B9D1: variants seen among roughly 807,000 people sequenced by gnomAD.
The protein encoded by B9D1 is B9 domain containing 1.
Under a neutral mutation model 26.1 loss-of-function variants are expected in B9D1, and 20 were observed. That is an observed-to-expected ratio of 0.77 (90% CI 0.54 to 1.12). The LOEUF (loss-of-function observed/expected upper bound fraction) is 1.12, where lower values mean the gene tolerates loss of function less well. Ranked by LOEUF, B9D1 falls within the 50% of genes most tolerant of loss-of-function variation. The pLI is 0.00. For synonymous variants in B9D1, 105 were observed against 103.1 expected, an observed-to-expected ratio of 1.02 and a Z score of -0.11; for missense variants, 260 against 273.7, an observed-to-expected ratio of 0.95 and a Z score of 0.35.
At chr17:19,350,238 C>T (rs550850072) in intron 3 of B9D1, among the ~76,000 whole-genome samples, 91 of 152,116 alleles carry the variant, frequency 6.0e-4, no homozygotes, top group African/African-American at 2.1e-3. Flanking sequence ...GGCAAAACCC[C>T]TTCTCTATGA....
rs1056459755 is a variant in B9D1, at chr17:19,359,561, T to A, written c.132+759A>T. Among the ~76,000 whole-genome samples the A allele has an allele frequency of 1.3e-5, 2 of 152,178 alleles. No homozygotes were observed. The highest frequency in any genetic ancestry group is 2.9e-5 in the Non-Finnish European group (2 of 68,016). The stretch of plus-strand genomic sequence containing the variant: ...GCCTCCTTCTCATCACTCATCCCTG[T>A]CACTTCCTGGCTTGGTCTCCCCTCA... On this transcript the variant is annotated intron_variant, in intron 2 of 6. Transcript: ENST00000261499. The surrounding 1 kb of genome is among the most constrained non-coding windows in gnomAD (Gnocchi z 5.0).
chr17:19,361,623 G>C (rs1302940535), intron 1 of B9D1, among the ~76,000 whole-genome samples: 2 of 152,172 alleles, frequency 1.3e-5, no homozygotes. Flanking sequence ...GGCAGAGGCG[G>C]ACAGGGTGGG....
chr17:19,360,424 T>G, intron 1 of B9D1, 36 bp from the exon 2 acceptor site: 1 of 1,596,860 alleles, frequency 6.3e-7, no homozygotes, highest in Admixed American at 1.7e-5. Context: ...TCGACTGGTA[T>G]TCATGCTGAG....
At chr17:19,355,679 A>AT (rs1201457433) in intron 3 of B9D1, among the ~76,000 whole-genome samples, 1 of 150,936 alleles carries the variant, frequency 6.6e-6, no homozygotes, top group East Asian at 2.0e-4. Context: ...AATACAAAAA[A>AT]AAAAATTAGC....
intron 1 of B9D1, among the ~76,000 whole-genome samples, chr17:19,374,437 C>T (rs1362195745): frequency 1.3e-5 from 2 of 152,168 alleles, no homozygotes; most frequent in East Asian, 3.8e-4. Context: ...TCTCTCATAC[C>T]ACTGGTGGGT....
downstream of B9D1, chr17:19,336,660 T>G (rs1907473257): frequency 6.6e-6 from 1 of 152,576 alleles, no homozygotes; most frequent in African/African-American, 2.4e-5. Flanking sequence ...TTTGAACTTG[T>G]GTTGACTGTT....
Position 19,347,724 on chromosome 17 carries a change from G to C in B9D1, c.341+60C>G. 1 of 1,514,300 alleles carries C rather than the reference G, an allele frequency of 6.6e-7. No individual in the cohort carries two copies. Among genetic ancestry groups the C allele is most frequent in the South Asian group, 1.1e-5 (1 of 87,550 alleles). 93.8% of individuals were successfully genotyped at this position (1,514,300 alleles called of 1,614,324 possible). A position where few individuals can be genotyped will look rare whatever the true frequency, so the allele number is the denominator to read the frequency against. ...CCAGCCTGAACCTAAGACAGAAAAC[G>C]AGGTGAAGTCTGTCCTAGGACAAGT... On this transcript the variant is annotated intron_variant, in intron 4 of 6. Transcript: ENST00000261499. This position sits in a 1 kb window ranked among gnomAD's most constrained non-coding sequence, Gnocchi z 4.3.
In B9D1 at chr17:19,370,399, C is replaced by A. The variant is rs1164278828; in HGVS notation, c.-298+7460G>T. On this transcript the variant is annotated intron_variant, in intron 1 of 5. Coordinates refer to the B9D1 transcript ENST00000477478. The surrounding 1 kb of genome is among the most constrained non-coding windows in gnomAD (Gnocchi z 5.1). The stretch of plus-strand genomic sequence containing the variant: ...CACCATTCCAGAGAAGAGCAGAGGG[C>A]CAGGAGAAGGGGCGTGTGGCTGTGT... 6.6e-6 allele frequency among the ~76,000 whole-genome samples: 1 copy of A among 152,168 alleles called. No individual in the cohort carries two copies. Among genetic ancestry groups the A allele is most frequent in the Non-Finnish European group, 1.5e-5 (1 of 68,040 alleles).
intron 2 of B9D1, 145 bp from the exon 3 acceptor site, chr17:19,358,096 A>C: frequency 1.4e-6 from 1 of 700,742 alleles, no homozygotes; most frequent in Non-Finnish European, 2.6e-6. Flanking sequence ...AAGGGGACTA[A>C]GAGATGATGG....
intron 5 of B9D1, among the ~76,000 whole-genome samples, chr17:19,346,021 C>T (rs1038370288): frequency 1.3e-5 from 2 of 152,250 alleles, no homozygotes; most frequent in Non-Finnish European, 2.9e-5. Context: ...CGAGCTGTCC[C>T]CTGGAGGCCC....
intron 1 of B9D1, among the ~76,000 whole-genome samples, chr17:19,368,679 T>C (rs1217680292): frequency 6.6e-6 from 1 of 152,164 alleles, no homozygotes; most frequent in African/African-American, 2.4e-5. Flanking sequence ...GCACAGTGAC[T>C]CATGCCTATG....
At position 19,347,893 on chromosome 17, in the gene B9D1, A is replaced by G. The variant is rs1358547340; in HGVS notation, c.245-13T>C. 3.1e-6 allele frequency: 5 copies of G among 1,612,978 alleles called. No homozygotes were observed. The Admixed American group carries it at 6.7e-5, about 22-fold the overall frequency. On this transcript the variant is annotated splice_polypyrimidine_tract_variant and intron_variant, in intron 3 of 6. Coordinates refer to ENST00000261499, the MANE Select transcript of B9D1 (RefSeq NM_015681.6). The surrounding 1 kb of genome is among the most constrained non-coding windows in gnomAD (Gnocchi z 4.3). ...ACGATCTGTGGCCCTTGGGAAGGACAAGGCAGGGGGTGGGCACATGAGGAC... is the reference window on the plus strand; with the variant it reads ...ACGATCTGTGGCCCTTGGGAAGGACGAGGCAGGGGGTGGGCACATGAGGAC...
downstream of B9D1, chr17:19,337,728 G>A (rs777184315): frequency 6.5e-7 from 1 of 1,534,882 alleles, no homozygotes; most frequent in Non-Finnish European, 8.7e-7. Context: ...TGCTATCTTT[G>A]ACAGACAGCC....
chr17:19,376,165 C>T lies in B9D1; in HGVS notation c.-298+1694G>A, dbSNP rs545911776. 1.3e-4 allele frequency among the ~76,000 whole-genome samples: 20 copies of T among 152,276 alleles called. 1 individual carries two copies. In the South Asian group the frequency reaches 4.1e-3, roughly 32 times the overall value. On this transcript the variant is annotated intron_variant, in intron 1 of 5. Transcript: ENST00000477478. ...ATAGAGCATCCACAATACGCAAGTCCATAGAGACAGAAAGTAGTTCAGTGG... is the reference window on the plus strand; with the variant it reads ...ATAGAGCATCCACAATACGCAAGTCTATAGAGACAGAAAGTAGTTCAGTGG...
intron 1 of B9D1, among the ~76,000 whole-genome samples, chr17:19,377,171 C>T (rs530690830): frequency 6.6e-6 from 1 of 152,350 alleles, no homozygotes; most frequent in South Asian, 2.1e-4. Flanking sequence ...CTGTCACCAC[C>T]ATGTCCTTAA....
chr17:19,377,372 G>C lies in B9D1; in HGVS notation c.-298+487C>G, dbSNP rs75234643. On this transcript the variant is annotated intron_variant, in intron 1 of 5. Transcript: ENST00000477478. ...TACACTATAAAAGGATGAGTTTTATGGTATGTTATTAAAAGTTGTTTAAAA... is the reference window on the plus strand; with the variant it reads ...TACACTATAAAAGGATGAGTTTTATCGTATGTTATTAAAAGTTGTTTAAAA... Among the ~76,000 whole-genome samples, 1,380 of 152,216 alleles carry C rather than the reference G, an allele frequency of 9.1e-3. 20 individuals carry two copies. The highest frequency in any genetic ancestry group is 0.031 in the African/African-American group (1,296 of 41,518).
chr17:19,359,958 C>G lies in B9D1; in HGVS notation c.132+362G>C, dbSNP rs1378529289. 6.6e-6 allele frequency among the ~76,000 whole-genome samples: 1 copy of G among 152,230 alleles called. No individual in the cohort carries two copies. The highest frequency in any genetic ancestry group is 2.4e-5 in the African/African-American group (1 of 41,452). On this transcript the variant is annotated intron_variant, in intron 2 of 6. Transcript: ENST00000261499. This position sits in a 1 kb window ranked among gnomAD's most constrained non-coding sequence, Gnocchi z 5.0. ...AGAGCTCCTACTCTGTCTTTTTACTCCAGGTCCTCCCCACTGGCTGAGGAG... is the reference window on the plus strand; with the variant it reads ...AGAGCTCCTACTCTGTCTTTTTACTGCAGGTCCTCCCCACTGGCTGAGGAG...
chr17:19,358,596 C>G (rs992480085), intron 2 of B9D1, among the ~76,000 whole-genome samples: 1 of 152,224 alleles, frequency 6.6e-6, no homozygotes, highest in Admixed American at 6.5e-5. Context: ...GCACCTGATG[C>G]AGCTGCTTAC....
intron 1 of B9D1, among the ~76,000 whole-genome samples, chr17:19,371,956 T>C (rs1291621180): frequency 2.6e-5 from 4 of 152,184 alleles, no homozygotes; most frequent in Non-Finnish European, 5.9e-5. Context: ...CTGGCACTAA[T>C]CAGAGAGCTG....
Sources: allele counts gnomAD v4.1 joint callset (sites outside exome capture counted in the v4.1 genomes callset), GRCh38; gene constraint gnomAD v4.1.1; non-coding constraint Gnocchi (gnomAD v3.1); transcripts MANE v1.5; gene names NCBI Gene and HGNC (gene_info 2026-07-23, HGNC 2026-07-21).